PRP4K: variants seen among roughly 807,000 people sequenced by gnomAD.
PRP4K encodes serine/threonine-protein kinase PRP4 homolog.
At chr6:4,056,364 C>A in the PRP4K span, 1 of 1,613,972 alleles carries the variant, frequency 6.2e-7, no homozygotes, top group South Asian at 1.1e-5. Context: ...GATTTTGGGT[C>A]GGCTTCACAT....
the PRP4K span, among the ~76,000 whole-genome samples, chr6:4,029,520 T>C: frequency 1.3e-5 from 2 of 151,610 alleles, no homozygotes; most frequent in African/African-American, 4.9e-5. Flanking sequence ...ACCTAGCTAA[T>C]TTTTTTATTT....
chr6:4,034,242 A>AT, the PRP4K span, among the ~76,000 whole-genome samples: 1 of 152,112 alleles, frequency 6.6e-6, no homozygotes, highest in African/African-American at 2.4e-5. Flanking sequence ...GCGACAAAAC[A>AT]TATAGATTGT....
the PRP4K span, among the ~76,000 whole-genome samples, chr6:4,043,625 T>G: frequency 2.0e-5 from 3 of 152,144 alleles, no homozygotes; most frequent in African/African-American, 7.2e-5. Context: ...GAAAAACTTT[T>G]TCAGATTTTT....
At chr6:4,053,887 AT>A in the PRP4K span, among the ~76,000 whole-genome samples, 1 of 118,816 alleles carries the variant, frequency 8.4e-6, no homozygotes. Context: ...AATACTTTTG[AT>A]TTTTTCTTTT....
the PRP4K span, among the ~76,000 whole-genome samples, chr6:4,025,298 T>G: frequency 2.0e-5 from 3 of 152,244 alleles, no homozygotes; most frequent in East Asian, 5.8e-4. Flanking sequence ...ACCTTTTTCT[T>G]GAGCTTTAGA....
At chr6:4,048,979 A>G in the PRP4K span, 1 of 1,481,658 alleles carries the variant, frequency 6.7e-7, no homozygotes, top group Non-Finnish European at 9.3e-7. Flanking sequence ...ATGTCTGACA[A>G]GTGGGTAAAC....
the PRP4K span, among the ~76,000 whole-genome samples, chr6:4,060,188 A>G: frequency 6.6e-6 from 1 of 152,204 alleles, no homozygotes; most frequent in East Asian, 1.9e-4. The surrounding 1 kb of genome is among the most constrained non-coding windows in gnomAD (Gnocchi z 4.7). Flanking sequence ...AAGTGTATGT[A>G]TGTATCTAAA....
chr6:4,063,912 T>C, the PRP4K span: 1 of 152,168 alleles, frequency 6.6e-6, no homozygotes, highest in South Asian at 2.1e-4. Context: ...TATCAAGTGA[T>C]TGTCAGACTT....
chr6:4,036,515 C>G, the PRP4K span, among the ~76,000 whole-genome samples: 1 of 152,128 alleles, frequency 6.6e-6, no homozygotes, highest in Non-Finnish European at 1.5e-5. Flanking sequence ...AGCCACCACA[C>G]CTAGCTATTG....
the PRP4K span, among the ~76,000 whole-genome samples, chr6:4,024,908 CTA>C: frequency 6.6e-6 from 1 of 152,128 alleles, no homozygotes; most frequent in Non-Finnish European, 1.5e-5. Flanking sequence ...CTGACCGTGA[CTA>C]TGTTATTTTA....
At chr6:4,031,809 A>G in the PRP4K span, 1 of 1,613,894 alleles carries the variant, frequency 6.2e-7, no homozygotes, top group East Asian at 2.2e-5. Flanking sequence ...AGCAAAAAGA[A>G]CTAAACTTGA....
At chr6:4,042,147 T>C in the PRP4K span, among the ~76,000 whole-genome samples, 1 of 152,240 alleles carries the variant, frequency 6.6e-6, no homozygotes, top group African/African-American at 2.4e-5. Context: ...ATCTTACCCT[T>C]GCCATCATTT....
the PRP4K span, among the ~76,000 whole-genome samples, chr6:4,031,100 AAGG>A: frequency 1.3e-5 from 2 of 152,206 alleles, no homozygotes; most frequent in Non-Finnish European, 2.9e-5. Flanking sequence ...TCAAGTGGAG[AAGG>A]AGATTAGTCT....
chr6:4,048,016 T>C, the PRP4K span, among the ~76,000 whole-genome samples: 1 of 151,834 alleles, frequency 6.6e-6, no homozygotes, highest in East Asian at 1.9e-4. Flanking sequence ...AGTTTTGGTG[T>C]CAGTACTCAT....
At chr6:4,045,420 C>G in the PRP4K span, among the ~76,000 whole-genome samples, 2 of 152,184 alleles carry the variant, frequency 1.3e-5, no homozygotes, top group South Asian at 4.1e-4. Context: ...TCAGCTATTT[C>G]TCCAAGGATC....
At chr6:4,032,283 A>G in the PRP4K span, 3 of 1,613,380 alleles carry the variant, frequency 1.9e-6, no homozygotes, top group Admixed American at 5.0e-5. Context: ...TGGTAAGGCC[A>G]GATCTCCTAC....
the PRP4K span, chr6:4,058,918 T>C: frequency 1.1e-6 from 1 of 877,102 alleles, no homozygotes. Flanking sequence ...CAAAAGTAAG[T>C]ATTTCCTTTT....
chr6:4,047,372 G>A, the PRP4K span: 4 of 849,298 alleles, frequency 4.7e-6, no homozygotes, highest in South Asian at 3.7e-5. Context: ...TGGGTGAAAG[G>A]AATCTGAAAA....
the PRP4K span, among the ~76,000 whole-genome samples, chr6:4,024,087 G>C: frequency 3.3e-5 from 5 of 151,976 alleles, no homozygotes; most frequent in African/African-American, 9.7e-5. Context: ...GGATGGTCCC[G>C]ATCTCCTGAC....
Sources: gnomAD v4.1 joint callset for allele counts (sites outside exome capture counted in the v4.1 genomes callset) on GRCh38, gnomAD v4.1.1 for gene constraint, Gnocchi (gnomAD v3.1) non-coding constraint, MANE v1.5 for transcripts, NCBI Gene and HGNC (gene_info 2026-07-23, HGNC 2026-07-21) for gene names.